The following RAP1A variants were observed in gnomAD, a reference collection of about 807,000 sequenced individuals.
RAP1A encodes the protein ras-related protein Rap-1A.
A neutral mutation model predicts 26.4 loss-of-function variants in RAP1A; 6 were observed. The ratio of observed to expected loss-of-function variants is 0.23; its 90% CI spans 0.12 to 0.45. The LOEUF (loss-of-function observed/expected upper bound fraction) is 0.45. Among genes scored for constraint, RAP1A ranks in the 20% least tolerant of loss-of-function variants. The pLI, the probability that RAP1A is intolerant of heterozygous loss-of-function variation, is 0.99. For missense variants in RAP1A, 121 were observed against 217.2 expected (o/e 0.56, Z 2.78); for synonymous variants, 73 against 79.4 (o/e 0.92, Z 0.43).
intron 1 of RAP1A, among the ~76,000 whole-genome samples, chr1:111,629,776 G>A (rs1320411894): frequency 6.6e-6 from 1 of 152,128 alleles, no homozygotes; most frequent in Non-Finnish European, 1.5e-5. Context: ...ATCTGCAAAA[G>A]CCCAGATCTG....
At chr1:111,563,904 C>A (rs745791299) in intron 1 of RAP1A, 2 of 1,613,886 alleles carry the variant, frequency 1.2e-6, no homozygotes, top group Non-Finnish European at 1.7e-6. Flanking sequence ...CAGGAGCTTT[C>A]CCACCTGGCC....
rs754387128 is a variant in RAP1A, at chr1:111,691,350, C to G, written c.-11C>G. On this transcript the variant is annotated 5_prime_UTR_variant, in exon 2 of 8. Transcript: ENST00000369709. ...GTTTTTCAGATCGTCAGTATTTAAA[C>G]AGATCACATCATGCGTGAGTACAAG... 6.2e-6 allele frequency: 10 copies of G among 1,611,630 alleles called. No individual in the cohort carries two copies. Among genetic ancestry groups the G allele is most frequent in the South Asian group, 1.1e-5 (1 of 90,902 alleles).
intron 1 of RAP1A, among the ~76,000 whole-genome samples, chr1:111,623,347 TC>T (rs1659282457): frequency 6.6e-6 from 1 of 152,070 alleles, no homozygotes; most frequent in South Asian, 2.1e-4. Flanking sequence ...TTTAATGGTA[TC>T]TGTAATTTGT....
rs1293494146 is a variant in RAP1A, at chr1:111,607,715, A to C, written c.-28+65206A>C. On this transcript the variant is annotated intron_variant, in intron 1 of 7. Coordinates refer to the RAP1A transcript ENST00000356415. ...GCTGACCCCCCCACCTCCCTCCCGGACGGGGCGGCTGGCCGGGCAGAGGGG... is the reference window on the plus strand; with the variant it reads ...GCTGACCCCCCCACCTCCCTCCCGGCCGGGGCGGCTGGCCGGGCAGAGGGG... 2.8e-4 allele frequency among the ~76,000 whole-genome samples: 37 copies of C among 132,112 alleles called. 1 individual carries two copies. Among genetic ancestry groups the C allele is most frequent in the Admixed American group, 2.6e-3 (35 of 13,468 alleles). The allele number at this position is 132,112 out of a possible 152,430, so 86.7% of individuals were successfully genotyped here. A position where few individuals can be genotyped will look rare whatever the true frequency, so the allele number is the denominator to read the frequency against.
intron 1 of RAP1A, among the ~76,000 whole-genome samples, chr1:111,632,943 A>G (rs1220494264): frequency 6.6e-6 from 1 of 151,332 alleles, no homozygotes; most frequent in African/African-American, 2.4e-5. Flanking sequence ...AAAAAAAAAA[A>G]AGATACTGCA....
At chr1:111,662,973 G>A (rs1274144116) in intron 1 of RAP1A, among the ~76,000 whole-genome samples, 1 of 152,202 alleles carries the variant, frequency 6.6e-6, no homozygotes, top group African/African-American at 2.4e-5. Context: ...GGAGCAAGTG[G>A]CATGATCTTG....
At chr1:111,548,663 C>T (rs1388587763) in intron 1 of RAP1A, among the ~76,000 whole-genome samples, 1 of 152,158 alleles carries the variant, frequency 6.6e-6, no homozygotes, top group Non-Finnish European at 1.5e-5. Flanking sequence ...TTAATTTTTT[C>T]CTCATAAATG....
At chr1:111,560,096 G>A (rs965509460) in intron 1 of RAP1A, among the ~76,000 whole-genome samples, 1 of 152,206 alleles carries the variant, frequency 6.6e-6, no homozygotes, top group Non-Finnish European at 1.5e-5. Context: ...AATAGACTGA[G>A]CATTGGAAGC....
chr1:111,572,090 C>T (rs984988519), intron 1 of RAP1A, among the ~76,000 whole-genome samples: 5 of 152,176 alleles, frequency 3.3e-5, no homozygotes, highest in Non-Finnish European at 7.3e-5. Context: ...GAGCAAGCTG[C>T]GAAGAGACAA....
At chr1:111,670,990 C>T (rs1305713249) in intron 1 of RAP1A, among the ~76,000 whole-genome samples, 1 of 152,194 alleles carries the variant, frequency 6.6e-6, no homozygotes, top group Non-Finnish European at 1.5e-5. Context: ...AATCACATAA[C>T]TCTGCTTCAG....
chr1:111,641,858 G>C (rs1234661545), intron 1 of RAP1A, among the ~76,000 whole-genome samples: 1 of 152,162 alleles, frequency 6.6e-6, no homozygotes, highest in Non-Finnish European at 1.5e-5. Flanking sequence ...ACTGATGCTA[G>C]AGCCACAGTG....
chr1:111,661,800 GAA>G (rs11322950), intron 1 of RAP1A, among the ~76,000 whole-genome samples: 91 of 102,846 alleles, frequency 8.8e-4, no homozygotes, highest in South Asian at 1.3e-3. Context: ...CTCCGTCCCA[GAA>G]AAAAAAAAAA....
At chr1:111,658,101 A>G (rs1463218714) in intron 1 of RAP1A, among the ~76,000 whole-genome samples, 1 of 152,216 alleles carries the variant, frequency 6.6e-6, no homozygotes, top group East Asian at 1.9e-4. Context: ...TCATTGTTGG[A>G]TAAAGTACAG....
chr1:111,661,145 G>C (rs551353065), intron 1 of RAP1A, among the ~76,000 whole-genome samples: 71 of 152,352 alleles, frequency 4.7e-4, no homozygotes, highest in African/African-American at 1.6e-3. Context: ...CAGAATGGGA[G>C]TTAGGGACCC....
rs970738810 is a variant in RAP1A, at chr1:111,715,297, T to G, written c.*2896T>G. On this transcript the variant is annotated 3_prime_UTR_variant, in exon 8 of 8. Transcript: ENST00000369709. ...TTCATCATGTTGGCGAGGCTGGTCT[T>G]GAACTCCTGACTTCGTGATCCGCCC... 6.6e-6 allele frequency: 1 copy of G among 150,680 alleles called. No homozygotes were observed. 9.3% of individuals were successfully genotyped at this position (150,680 alleles called of 1,614,324 possible).
intron 1 of RAP1A, among the ~76,000 whole-genome samples, chr1:111,603,323 G>T (rs2101073692): frequency 6.6e-6 from 1 of 152,342 alleles, no homozygotes; most frequent in East Asian, 1.9e-4. Context: ...CCATGCCTCA[G>T]TTGCCCAGTA....
In RAP1A at chr1:111,625,376, G is replaced by A. The variant is rs527820639; in HGVS notation, c.-28+5442G>A. The stretch of plus-strand genomic sequence containing the variant: ...AGAAAAGACAAAACTATAAAAAGAG[G>A]CACAAAGAACTGAATACAACTATTT... On this transcript the variant is annotated intron_variant, in intron 1 of 7. Coordinates refer to ENST00000369709, the MANE Select transcript of RAP1A (RefSeq NM_002884.4). 8.6e-5 allele frequency among the ~76,000 whole-genome samples: 13 copies of A among 152,034 alleles called. No individual in the cohort carries two copies. The South Asian group carries it at 2.7e-3, about 32-fold the overall frequency.
At chr1:111,575,867 T>A (rs958280448) in intron 1 of RAP1A, among the ~76,000 whole-genome samples, 5 of 152,248 alleles carry the variant, frequency 3.3e-5, no homozygotes, top group Non-Finnish European at 4.4e-5. Context: ...AGAAATAATG[T>A]TCATAGATCA....
rs1436543705 is a variant in RAP1A at position 111,712,463 on chromosome 1, A to C, written c.*62A>C. The C allele has an allele frequency of 6.6e-6, 1 of 152,516 alleles. No individual in the cohort carries two copies. 9.4% of individuals were successfully genotyped at this position (152,516 alleles called of 1,614,324 possible). A position where few individuals can be genotyped will look rare whatever the true frequency, so the allele number is the denominator to read the frequency against. ...GAATGAAGAACTGTTGCCTAATTGG[A>C]AAGTGCCAGCATTCCAGACTTCAAA... On this transcript the variant is annotated 3_prime_UTR_variant, in exon 8 of 8. Coordinates refer to ENST00000369709, the MANE Select transcript of RAP1A (RefSeq NM_002884.4).
Sources: gnomAD v4.1 joint callset for allele counts (sites outside exome capture counted in the v4.1 genomes callset) on GRCh38, gnomAD v4.1.1 for gene constraint, MANE v1.5 for transcripts, NCBI Gene and HGNC (gene_info 2026-07-23, HGNC 2026-07-21) for gene names.